Variants in ANO3 observed in about 807,000 individuals in gnomAD.
ANO3 encodes the protein anoctamin-3.
Under a neutral mutation model 144.8 loss-of-function variants are expected in ANO3, and 99 were observed. The observed-to-expected ratio is 0.68, with a 90% CI of 0.58 to 0.81. The LOEUF (loss-of-function observed/expected upper bound fraction) is 0.81, where lower values mean the gene tolerates loss of function less well. Among genes scored for constraint, ANO3 ranks in the 30% least tolerant of loss-of-function variants. The pLI is 0.00. For synonymous variants in ANO3, 414 were observed against 392.6 expected (o/e 1.05, Z -0.64); for missense variants, 905 against 1,202.2 (o/e 0.75, Z 3.66).
chr11:26,419,558 ACTGT>A (rs1410472906), intron 1 of ANO3, among the ~76,000 whole-genome samples: 1 of 152,092 alleles, frequency 6.6e-6, no homozygotes, highest in Non-Finnish European at 1.5e-5. Context: ...TCATTTGGAT[ACTGT>A]CTATGTATGC....
At chr11:26,310,507 A>G (rs1182802794) in intron 1 of ANO3, among the ~76,000 whole-genome samples, 1 of 152,232 alleles carries the variant, frequency 6.6e-6, no homozygotes, top group Non-Finnish European at 1.5e-5. Context: ...TTCTGCCTGA[A>G]TACCAAACTG....
chr11:26,559,809 C>T (rs1329209290), intron 14 of ANO3, 30 bp downstream of exon 14: 1 of 1,441,770 alleles, frequency 6.9e-7, no homozygotes, highest in Non-Finnish European at 9.7e-7. Flanking sequence ...CTTTCTATCC[C>T]TTATTTTCTG....
At chr11:26,237,624 A>T (rs1033894237) in intron 1 of ANO3, among the ~76,000 whole-genome samples, 5 of 152,010 alleles carry the variant, frequency 3.3e-5, no homozygotes, top group African/African-American at 1.2e-4. Flanking sequence ...ATAGAAAAAT[A>T]ACAAAATGAT....
At chr11:26,406,548 A>G (rs1857281623) in intron 1 of ANO3, among the ~76,000 whole-genome samples, 1 of 151,830 alleles carries the variant, frequency 6.6e-6, no homozygotes, top group Admixed American at 6.6e-5. Flanking sequence ...TGCAGTTCAT[A>G]TGGATCTACC....
chr11:26,289,616 TTC>T (rs1853898599), intron 1 of ANO3, among the ~76,000 whole-genome samples: 1 of 95,428 alleles, frequency 1.0e-5, no homozygotes, highest in African/African-American at 5.9e-5. Flanking sequence ...CACACATATA[TTC>T]TATATGTGTG....
At chr11:26,449,794 C>T (rs1858855955) in intron 3 of ANO3, among the ~76,000 whole-genome samples, 1 of 151,766 alleles carries the variant, frequency 6.6e-6, no homozygotes, top group Non-Finnish European at 1.5e-5. Flanking sequence ...GCTGTTGTTG[C>T]CCAGGCTGGA....
rs151242846 is a variant in ANO3 at position 26,275,894 on chromosome 11, T to C, written c.155-33751T>C. On this transcript the variant is annotated intron_variant, in intron 1 of 27. Transcript: ENST00000672621. ...TTTTAATTCTCGTTTGGTTGCTTTC[T>C]AAATATGTGACTTTAAATGAGTCAC... 9.1e-4 allele frequency among the ~76,000 whole-genome samples: 139 copies of C among 152,318 alleles called. 1 individual carries two copies. The highest frequency in any genetic ancestry group is 3.0e-3 in the African/African-American group (126 of 41,570).
At chr11:26,555,997 T>C (rs1284818221) in intron 13 of ANO3, among the ~76,000 whole-genome samples, 2 of 152,134 alleles carry the variant, frequency 1.3e-5, no homozygotes, top group Non-Finnish European at 1.5e-5. Flanking sequence ...AAAGGCCATG[T>C]GTGTACATAT....
At chr11:26,569,286 G>T (rs1056840785) in intron 14 of ANO3, among the ~76,000 whole-genome samples, 1 of 152,104 alleles carries the variant, frequency 6.6e-6, no homozygotes, top group African/African-American at 2.4e-5. Context: ...TATCTCCCAG[G>T]AAAAGGAGAG....
Position 26,248,083 on chromosome 11 carries a change from G to A in ANO3, c.154+58753G>A, listed in dbSNP as rs144703752. ...TGGCCGAGCATGGTGGCTCACGCTCGTAATTCAGCATGTTGGGAGGCCCAG... is the reference window on the plus strand; with the variant it reads ...TGGCCGAGCATGGTGGCTCACGCTCATAATTCAGCATGTTGGGAGGCCCAG... On this transcript the variant is annotated intron_variant, in intron 1 of 27. Transcript: ENST00000672621. Among the ~76,000 whole-genome samples, 362 of 151,746 alleles carry A rather than the reference G, an allele frequency of 2.4e-3. 1 individual carries two copies. Among genetic ancestry groups the A allele is most frequent in the South Asian group, 0.018 (84 of 4,750 alleles).
At chr11:26,203,097 T>C (rs1851729757) in intron 1 of ANO3, among the ~76,000 whole-genome samples, 1 of 152,014 alleles carries the variant, frequency 6.6e-6, no homozygotes, top group Admixed American at 6.6e-5. Flanking sequence ...CCACCAAGGG[T>C]GTCTAATTAG....
At chr11:26,506,772 C>T (rs1486212027) in intron 4 of ANO3, among the ~76,000 whole-genome samples, 1 of 152,188 alleles carries the variant, frequency 6.6e-6, no homozygotes, top group Non-Finnish European at 1.5e-5. Flanking sequence ...TAACCTGTTG[C>T]TGTAGGGTGA....
At chr11:26,553,100 G>A in intron 12 of ANO3, 149 bp from the exon 13 acceptor site, 1 of 597,058 alleles carries the variant, frequency 1.7e-6, no homozygotes. Context: ...TCACACCACA[G>A]TGCCCACCAC....
intron 23 of ANO3, among the ~76,000 whole-genome samples, chr11:26,645,366 C>T (rs1216144980): frequency 6.6e-6 from 1 of 151,632 alleles, no homozygotes; most frequent in Non-Finnish European, 1.5e-5. Context: ...TCCCATTGAG[C>T]TACTTATTAC....
intron 1 of ANO3, among the ~76,000 whole-genome samples, chr11:26,243,947 G>A (rs778590096): frequency 5.3e-5 from 8 of 151,712 alleles, no homozygotes; most frequent in African/African-American, 1.2e-4. Context: ...GTGAAACTCC[G>A]CCTGTACTAA....
At chr11:26,404,169 T>TCA (rs1362369774) in intron 1 of ANO3, among the ~76,000 whole-genome samples, 1 of 151,842 alleles carries the variant, frequency 6.6e-6, no homozygotes, top group Non-Finnish European at 1.5e-5. Flanking sequence ...ACAGTGTCTA[T>TCA]CACATAGTAA....
At chr11:26,274,632 A>G (rs527573779) in intron 1 of ANO3, among the ~76,000 whole-genome samples, 1 of 152,232 alleles carries the variant, frequency 6.6e-6, no homozygotes, top group Admixed American at 6.5e-5. Flanking sequence ...CTTTGAACAT[A>G]AAGCAATTAA....
At chr11:26,466,587 A>G (rs1349338341) in intron 4 of ANO3, among the ~76,000 whole-genome samples, 1 of 151,990 alleles carries the variant, frequency 6.6e-6, no homozygotes, top group Non-Finnish European at 1.5e-5. Flanking sequence ...GGAGGAGAAG[A>G]GACCACAGGG....
At chr11:26,543,921 G>T (rs564496448) in intron 11 of ANO3, among the ~76,000 whole-genome samples, 1 of 151,780 alleles carries the variant, frequency 6.6e-6, no homozygotes, top group Non-Finnish European at 1.5e-5. Context: ...ATAAACATAC[G>T]CTTTTAATTT....
Sources: gnomAD v4.1 joint callset for allele counts (sites outside exome capture counted in the v4.1 genomes callset) on GRCh38, gnomAD v4.1.1 for gene constraint, MANE v1.5 for transcripts, NCBI Gene and HGNC (gene_info 2026-07-23, HGNC 2026-07-21) for gene names.